The following CCSER1 variants were observed in gnomAD, a reference collection of about 807,000 sequenced individuals.
CCSER1 encodes coiled-coil serine rich protein 1, also known as serine-rich coiled-coil domain-containing protein 1.
A neutral mutation model predicts 82.0 loss-of-function variants in CCSER1; 41 were observed. The observed-to-expected ratio is 0.50, with a 90% CI of 0.39 to 0.65. The LOEUF is 0.65. Ranked by LOEUF, CCSER1 falls within the 30% of genes least tolerant of loss-of-function variation. The pLI is 0.00. For missense variants in CCSER1, 1,119 were observed against 1,064.2 expected (o/e 1.05, Z -0.72); for synonymous variants, 414 against 383.9 (o/e 1.08, Z -0.92).
chr4:91,408,430 C>T (rs1752834253), intron 10 of CCSER1, among the ~76,000 whole-genome samples: 1 of 152,152 alleles, frequency 6.6e-6, no homozygotes, highest in African/African-American at 2.4e-5. Flanking sequence ...GTTATATCAG[C>T]CAGCCTTTTT....
At chr4:90,150,994 C>G (rs984863902) in intron 1 of CCSER1, among the ~76,000 whole-genome samples, 10 of 151,892 alleles carry the variant, frequency 6.6e-5, no homozygotes, top group African/African-American at 1.5e-4. Flanking sequence ...AAAAGCGAAG[C>G]ATTTGATTTA....
chr4:90,972,342 G>A (rs1454099482), intron 9 of CCSER1, among the ~76,000 whole-genome samples: 4 of 151,596 alleles, frequency 2.6e-5, no homozygotes, highest in African/African-American at 9.7e-5. Context: ...AAATTACTTT[G>A]TTGTACACCT....
intron 1 of CCSER1, among the ~76,000 whole-genome samples, chr4:90,229,191 A>G (rs1215300154): frequency 6.6e-6 from 1 of 152,192 alleles, no homozygotes; most frequent in Non-Finnish European, 1.5e-5. Context: ...AGTTGAAATG[A>G]AGGAAAATAT....
intron 10 of CCSER1, among the ~76,000 whole-genome samples, chr4:91,455,272 A>G (rs1388173391): frequency 2.0e-5 from 3 of 152,056 alleles, no homozygotes; most frequent in Non-Finnish European, 4.4e-5. Flanking sequence ...ACTGTGCTGT[A>G]GTCATTTATG....
At chr4:90,529,943 A>G (rs1170408324) in intron 5 of CCSER1, among the ~76,000 whole-genome samples, 1 of 124,404 alleles carries the variant, frequency 8.0e-6, no homozygotes, top group Non-Finnish European at 1.6e-5. Flanking sequence ...TAGAATATAT[A>G]TATATATATT....
chr4:90,584,417 C>T lies in CCSER1; in HGVS notation c.1725-43608C>T, dbSNP rs544278560. ...CTCAGTTACAGGAACTTCAAGGAAGCGTAACTCTGACAGCAACAGAAAAAG... is the reference window on the plus strand; with the variant it reads ...CTCAGTTACAGGAACTTCAAGGAAGTGTAACTCTGACAGCAACAGAAAAAG... On this transcript the variant is annotated intron_variant, in intron 5 of 10. Transcript: ENST00000509176. Among the ~76,000 whole-genome samples, 26 of 152,152 alleles carry T rather than the reference C, an allele frequency of 1.7e-4. 2 individuals are homozygous for T. In the South Asian group the frequency reaches 3.5e-3, roughly 21 times the overall value.
At chr4:91,258,415 C>G (rs1397113563) in intron 10 of CCSER1, among the ~76,000 whole-genome samples, 1 of 151,982 alleles carries the variant, frequency 6.6e-6, no homozygotes, top group African/African-American at 2.4e-5. Flanking sequence ...ATATCTTTCC[C>G]AAAGCTATGC....
intron 10 of CCSER1, among the ~76,000 whole-genome samples, chr4:91,109,193 T>A (rs562978280): frequency 2.0e-4 from 30 of 152,278 alleles, no homozygotes; most frequent in African/African-American, 7.2e-4. Flanking sequence ...GCCATACTAT[T>A]GGCTTCCCTT....
At chr4:90,559,480 G>T (rs1407403234) in intron 5 of CCSER1, among the ~76,000 whole-genome samples, 1 of 152,022 alleles carries the variant, frequency 6.6e-6, no homozygotes, top group Non-Finnish European at 1.5e-5. Flanking sequence ...GAGATTTGAT[G>T]AAATCTGGCT....
chr4:90,801,958 G>A (rs1393952797), intron 7 of CCSER1, among the ~76,000 whole-genome samples: 2 of 151,896 alleles, frequency 1.3e-5, no homozygotes, highest in African/African-American at 4.8e-5. Context: ...GTTGTCTCAC[G>A]CCTGTAATCC....
chr4:90,652,691 C>T (rs966847954), intron 6 of CCSER1, among the ~76,000 whole-genome samples: 3 of 152,114 alleles, frequency 2.0e-5, no homozygotes, highest in Non-Finnish European at 4.4e-5. Flanking sequence ...TAATAACTTA[C>T]AAGCATAATG....
At chr4:90,590,095 G>C (rs1490177502) in intron 5 of CCSER1, among the ~76,000 whole-genome samples, 2 of 152,070 alleles carry the variant, frequency 1.3e-5, no homozygotes, top group East Asian at 3.9e-4. Context: ...CCAACCTGGA[G>C]AAACCCTGTC....
chr4:90,367,641 GA>G (rs1036342285), intron 3 of CCSER1, among the ~76,000 whole-genome samples: 4 of 151,394 alleles, frequency 2.6e-5, no homozygotes, highest in African/African-American at 9.7e-5. Flanking sequence ...ATAAAATGAG[GA>G]AAAAAATGAA....
intron 9 of CCSER1, among the ~76,000 whole-genome samples, chr4:90,992,078 G>A (rs999284652): frequency 9.9e-5 from 15 of 151,984 alleles, no homozygotes; most frequent in African/African-American, 3.4e-4. Flanking sequence ...ACAACTTTTA[G>A]TTTTACTTTG....
chr4:90,193,263 A>G (rs1397774990), intron 1 of CCSER1, among the ~76,000 whole-genome samples: 2 of 152,116 alleles, frequency 1.3e-5, no homozygotes, highest in Non-Finnish European at 2.9e-5. Context: ...TTGTTCACAC[A>G]CAGACCTCAA....
chr4:91,377,085 T>A (rs916455103), intron 10 of CCSER1, among the ~76,000 whole-genome samples: 2 of 152,118 alleles, frequency 1.3e-5, no homozygotes, highest in African/African-American at 4.8e-5. Flanking sequence ...GAACTCATCA[T>A]TTTTTATGGC....
chr4:91,013,452 C>T (rs1291340963), intron 9 of CCSER1, among the ~76,000 whole-genome samples: 1 of 133,162 alleles, frequency 7.5e-6, no homozygotes, highest in African/African-American at 2.5e-5. Context: ...CAGTACCACA[C>T]TGATTAGATT....
At chr4:90,522,575 AGGAAAT>A (rs1773267331) in intron 5 of CCSER1, among the ~76,000 whole-genome samples, 1 of 152,062 alleles carries the variant, frequency 6.6e-6, no homozygotes, top group Non-Finnish European at 1.5e-5. Flanking sequence ...TTCCCTCTTT[AGGAAAT>A]GGGTTCTATT....
chr4:90,568,575 G>T (rs1779698077), intron 5 of CCSER1, among the ~76,000 whole-genome samples: 1 of 151,772 alleles, frequency 6.6e-6, no homozygotes, highest in African/African-American at 2.4e-5. Flanking sequence ...GTCTCTTTAG[G>T]CAGCATATAG....
Sources: allele counts gnomAD v4.1 joint callset (sites outside exome capture counted in the v4.1 genomes callset), GRCh38; gene constraint gnomAD v4.1.1; transcripts MANE v1.5; gene names NCBI Gene and HGNC (gene_info 2026-07-23, HGNC 2026-07-21).